Variants in RSPO1 observed in about 807,000 individuals in gnomAD.
The protein encoded by RSPO1 is R-spondin-1.
In RSPO1, 18 loss-of-function variants were observed where a neutral mutation model predicts 26.0. The ratio of observed to expected loss-of-function variants is 0.69; its 90% CI spans 0.48 to 1.03. The LOEUF (loss-of-function observed/expected upper bound fraction) is 1.03, where lower values mean the gene tolerates loss of function less well. RSPO1 is among the 50% of genes least tolerant of loss of function. RSPO1 has a pLI of 0.00. For missense variants in RSPO1, 309 were observed against 352.3 expected (o/e 0.88, Z 0.98); for synonymous variants, 133 against 137.4 (o/e 0.97, Z 0.22).
intron 3 of RSPO1, among the ~76,000 whole-genome samples, chr1:37,618,792 C>T (rs1045285415): frequency 6.6e-6 from 1 of 151,602 alleles, no homozygotes; most frequent in African/African-American, 2.4e-5. Context: ...GCAAGAGAAG[C>T]GAGTTGAGAG....
chr1:37,618,990 GATGGGTGGATCAC>G (rs1644159568), intron 3 of RSPO1, among the ~76,000 whole-genome samples: 1 of 152,190 alleles, frequency 6.6e-6, no homozygotes, highest in Non-Finnish European at 1.5e-5. Flanking sequence ...GGGAGGCTGA[GATGGGTGGATCAC>G]CTGAGGTCAG....
At position 37,613,866 on chromosome 1, in the gene RSPO1, G is replaced by A. The variant is rs779407400; in HGVS notation, c.463C>T (p.Pro155Ser). ...PAQCEMSEWS[P>S]WGPCSKKQQL... is the part of the protein sequence containing the mutation. ...TGCTTCTTGGAGCAGGGCCCCCACG[G>A]AGACCACTCGCTCATTTCACATTGC... Residue 155 changes from proline to serine, a missense_variant, in exon 6 of 7, where the codon CCG becomes TCG. Coordinates refer to ENST00000356545, the MANE Select transcript of RSPO1 (RefSeq NM_001242908.2). The surrounding 1 kb of genome is among the most constrained non-coding windows in gnomAD (Gnocchi z 4.5). 1 of 1,614,150 alleles carries A rather than the reference G, an allele frequency of 6.2e-7. No homozygotes were observed. Among genetic ancestry groups the A allele is most frequent in the African/African-American group, 1.3e-5 (1 of 75,060 alleles).
Position 37,629,711 on chromosome 1 carries a change from G to A in RSPO1, c.-50C>T, listed in dbSNP as rs1335617544. On this transcript the variant is annotated 5_prime_UTR_variant, in exon 3 of 7. Transcript: ENST00000356545. ...TGGTCGGAGGGGTGGTCTCGGGGAG[G>A]GTGGATAGCACACGGCTCTTGCTAA... The A allele has an allele frequency of 1.6e-5, 25 of 1,608,048 alleles. No homozygotes were observed. The highest frequency in any genetic ancestry group is 1.8e-5 in the Non-Finnish European group (21 of 1,177,372).
chr1:37,620,911 G>T (rs1341072745), intron 3 of RSPO1, among the ~76,000 whole-genome samples: 1 of 152,102 alleles, frequency 6.6e-6, no homozygotes, highest in Admixed American at 6.5e-5. Context: ...GCGCCCTCTA[G>T]GTTTCTGCCT....
chr1:37,627,934 G>C (rs1351573229), intron 3 of RSPO1, among the ~76,000 whole-genome samples: 1 of 152,160 alleles, frequency 6.6e-6, no homozygotes, highest in Admixed American at 6.5e-5. Flanking sequence ...GTGCTGCCAC[G>C]GCTGTTAGAT....
Position 37,629,763 on chromosome 1 carries a change from G to A in RSPO1, c.-102C>T, listed in dbSNP as rs1644329664. On this transcript the variant is annotated 5_prime_UTR_variant, in exon 3 of 7. Transcript: ENST00000356545. ...ACCTCTGGGGCTGGGTCAGCAGCAG[G>A]AGGCCCAGGCCTGGGCCGTAGCCCA... 1 of 1,559,754 alleles carries A rather than the reference G, an allele frequency of 6.4e-7. No individual in the cohort carries two copies. The highest frequency in any genetic ancestry group is 1.9e-5 in the Admixed American group (1 of 51,700).
chr1:37,629,712 G>T lies in RSPO1; in HGVS notation c.-51C>A. The T allele has an allele frequency of 6.2e-7, 1 of 1,607,808 alleles. No individual in the cohort carries two copies. The highest frequency in any genetic ancestry group is 1.7e-4 in the Middle Eastern group (1 of 6,042). On this transcript the variant is annotated 5_prime_UTR_variant, in exon 3 of 7. Transcript: ENST00000356545. ...GGTCGGAGGGGTGGTCTCGGGGAGG[G>T]TGGATAGCACACGGCTCTTGCTAAC...
rs1644068160 is a variant in RSPO1 at position 37,613,966 on chromosome 1, G to A, written c.437-74C>T. The A allele has an allele frequency of 6.6e-7, 1 of 1,515,792 alleles. No individual in the cohort carries two copies. Among genetic ancestry groups the A allele is most frequent in the South Asian group, 1.1e-5 (1 of 88,968 alleles). The allele number at this position is 1,515,792 out of a possible 1,614,324, so 93.9% of individuals were successfully genotyped here. A position where few individuals can be genotyped will look rare whatever the true frequency, so the allele number is the denominator to read the frequency against. Reference sequence around the variant, plus strand: ...ATGTCTCCTCCTCTGGCCCAGAATAGCCCAGGGGAGCATCTCCCACTTTCC... The same window carrying A: ...ATGTCTCCTCCTCTGGCCCAGAATAACCCAGGGGAGCATCTCCCACTTTCC... On this transcript the variant is annotated intron_variant, in intron 5 of 6. Transcript: ENST00000356545. This position sits in a 1 kb window ranked among gnomAD's most constrained non-coding sequence, Gnocchi z 4.5.
rs555329747 is a variant in RSPO1 at position 37,615,459 on chromosome 1, A to G, written c.286+1025T>C. Reference sequence around the variant, plus strand: ...GCTCAAGGTCACACAATGAAGAAGTAGCAGAGTTGAGCTCAGAACCAACTC... The same window carrying G: ...GCTCAAGGTCACACAATGAAGAAGTGGCAGAGTTGAGCTCAGAACCAACTC... On this transcript the variant is annotated intron_variant, in intron 4 of 6. Coordinates refer to ENST00000356545, the MANE Select transcript of RSPO1 (RefSeq NM_001242908.2). Among the ~76,000 whole-genome samples the G allele has an allele frequency of 3.3e-5, 5 of 152,338 alleles. No homozygotes were observed. In the South Asian group the frequency reaches 6.2e-4, roughly 19 times the overall value.
chr1:37,618,645 T>G (rs1196922609), intron 3 of RSPO1, among the ~76,000 whole-genome samples: 3 of 152,044 alleles, frequency 2.0e-5, no homozygotes, highest in Non-Finnish European at 4.4e-5. Flanking sequence ...GAGAGATGCT[T>G]AGGAAATGCA....
chr1:37,622,919 A>C (rs1184291515), intron 3 of RSPO1, among the ~76,000 whole-genome samples: 2 of 152,128 alleles, frequency 1.3e-5, no homozygotes, highest in Admixed American at 6.5e-5. Flanking sequence ...GATCACAGAC[A>C]GAGAAGGGGA....
In RSPO1 at chr1:37,613,822, C is replaced by T. The variant is rs1219023043; in HGVS notation, c.507G>A (p.Arg169=). 6.2e-7 allele frequency: 1 copy of T among 1,613,956 alleles called. No homozygotes were observed. Among genetic ancestry groups the T allele is most frequent in the East Asian group, 2.2e-5 (1 of 44,898 alleles). Residue 169 remains arginine (R), a synonymous_variant, in exon 6 of 7, where the codon CGG becomes CGA. Transcript: ENST00000356545. This position sits in a 1 kb window ranked among gnomAD's most constrained non-coding sequence, Gnocchi z 4.5. Reference sequence around the variant, plus strand: ...TGCGTGTCCGCTCCTCGGAGCCCCTCCGGAAACCACAGAGCTGCTGCTTCT... The same window carrying T: ...TGCGTGTCCGCTCCTCGGAGCCCCTTCGGAAACCACAGAGCTGCTGCTTCT... ...CSKKQQLCGF[R]RGSEERTRRV...
At chr1:37,617,935 G>A (rs1437371384) in intron 3 of RSPO1, among the ~76,000 whole-genome samples, 1 of 152,166 alleles carries the variant, frequency 6.6e-6, no homozygotes, top group African/African-American at 2.4e-5. Flanking sequence ...AAAAGAAGGA[G>A]GGAAACAAGC....
intron 3 of RSPO1, among the ~76,000 whole-genome samples, chr1:37,622,810 G>A (rs1224852996): frequency 1.3e-5 from 2 of 152,198 alleles, no homozygotes; most frequent in Non-Finnish European, 2.9e-5. Flanking sequence ...GGCAGTTTTG[G>A]TGGAGAGGTG....
In RSPO1 at chr1:37,616,550, C is replaced by T. The variant is rs200218812; in HGVS notation, c.220G>A (p.Val74Ile). 5.3e-5 allele frequency: 85 copies of T among 1,614,056 alleles called. No homozygotes were observed. Among genetic ancestry groups the T allele is most frequent in the Middle Eastern group, 1.6e-4 (1 of 6,084 alleles). The change falls in exon 4 of 7, where the codon GTC becomes ATC. Residue 74 changes from valine (V) to isoleucine (I), a missense_variant. Val to Ile is a conservative substitution (Grantham distance 29, BLOSUM62 3). Transcript: ENST00000356545. ...LERNDIRQVG[V>I]CLPSCPPGYF... is the part of the protein sequence containing the mutation. ...CCAGGTGGGCAGGACGGCAAGCAGA[C>T]GCCCACCTGGCGGATGTCGTTCCTC...
At chr1:37,621,276 T>C (rs1644198404) in intron 3 of RSPO1, among the ~76,000 whole-genome samples, 1 of 152,110 alleles carries the variant, frequency 6.6e-6, no homozygotes, top group South Asian at 2.1e-4. Flanking sequence ...CACCCTATCC[T>C]GAAGGTCAGA....
chr1:37,628,428 GC>G (rs1644309802), intron 3 of RSPO1, among the ~76,000 whole-genome samples: 1 of 152,204 alleles, frequency 6.6e-6, no homozygotes, highest in South Asian at 2.1e-4. Flanking sequence ...CTCCCGTGGA[GC>G]CCCAGCAAAA....
chr1:37,612,648 G>A lies in RSPO1; in HGVS notation c.*107C>T, dbSNP rs1644041634. On this transcript the variant is annotated 3_prime_UTR_variant, in exon 7 of 7. Coordinates refer to ENST00000356545, the MANE Select transcript of RSPO1 (RefSeq NM_001242908.2). ...TGTCTATGTATGCATGGATGGATTG[G>A]AGTGTGTGTGTATGCTTTGCCCCCG... 3.5e-6 allele frequency: 4 copies of A among 1,157,552 alleles called. No individual in the cohort carries two copies. In the East Asian group the frequency reaches 9.4e-5, roughly 27 times the overall value. 71.7% of individuals were successfully genotyped at this position (1,157,552 alleles called of 1,614,324 possible). A position where few individuals can be genotyped will look rare whatever the true frequency, so the allele number is the denominator to read the frequency against.
In RSPO1 at chr1:37,634,824, GGCT is replaced by G. The variant is rs1644415588; in HGVS notation, c.-617_-615del. On this transcript the variant is annotated 5_prime_UTR_variant, in exon 1 of 7. Transcript: ENST00000356545. This position sits in a 1 kb window ranked among gnomAD's most constrained non-coding sequence, Gnocchi z 4.7. ...TGCCCTACTCTGGCCGGTCGCTCCGGGCTCTCTGCCCTGCGCTGGTGCTCTCCG... is the reference window on the plus strand; with the variant it reads ...TGCCCTACTCTGGCCGGTCGCTCCGGCTCTGCCCTGCGCTGGTGCTCTCCG... 2.0e-5 allele frequency: 3 copies of G among 152,348 alleles called. No homozygotes were observed. Among genetic ancestry groups the G allele is most frequent in the Non-Finnish European group, 4.4e-5 (3 of 68,052 alleles). 9.4% of individuals were successfully genotyped at this position (152,348 alleles called of 1,614,324 possible).
Sources: gnomAD v4.1 joint callset for allele counts (sites outside exome capture counted in the v4.1 genomes callset) on GRCh38, gnomAD v4.1.1 for gene constraint, Gnocchi (gnomAD v3.1) non-coding constraint, MANE v1.5 for transcripts, NCBI Gene and HGNC (gene_info 2026-07-23, HGNC 2026-07-21) for gene names.